RFX4: variants seen among roughly 807,000 people sequenced by gnomAD.
RFX4 encodes the protein transcription factor RFX4.
A neutral mutation model predicts 95.0 loss-of-function variants in RFX4; 10 were observed. That is an observed-to-expected ratio of 0.11 (90% CI 0.06 to 0.18). The LOEUF is 0.18. Ranked by LOEUF, RFX4 falls within the 10% of genes least tolerant of loss-of-function variation. The pLI, the probability that RFX4 is intolerant of heterozygous loss-of-function variation, is 1.00. For missense variants in RFX4, 640 were observed against 922.0 expected (o/e 0.69, Z 3.96); for synonymous variants, 321 against 340.7 (o/e 0.94, Z 0.64).
At chr12:106,619,015 A>G (rs537145384) in intron 2 of RFX4, among the ~76,000 whole-genome samples, 2 of 152,322 alleles carry the variant, frequency 1.3e-5, no homozygotes, top group African/African-American at 2.4e-5. Context: ...GCTCAGTGAA[A>G]GAGCACCATC....
chr12:106,620,137 G>T (rs984131133), intron 2 of RFX4, among the ~76,000 whole-genome samples: 8 of 151,926 alleles, frequency 5.3e-5, no homozygotes, highest in Admixed American at 1.3e-4. Context: ...AGGTATTTTT[G>T]GTCCTTTTGA....
In RFX4 at chr12:106,711,438, C is replaced by CT; in HGVS notation, c.935-11dup. 6.2e-7 allele frequency: 1 copy of CT among 1,610,890 alleles called. No individual in the cohort carries two copies. The highest frequency in any genetic ancestry group is 8.5e-7 in the Non-Finnish European group (1 of 1,177,114). On this transcript the variant is annotated splice_polypyrimidine_tract_variant and intron_variant, in intron 9 of 17. Transcript: ENST00000392842. Reference sequence around the variant, plus strand: ...AGCATGCAAATATTTCAAACTAATTCTTTTCTCCTTGCAGTGTCGAGAAGG... The same window carrying CT: ...AGCATGCAAATATTTCAAACTAATTCTTTTTCTCCTTGCAGTGTCGAGAAGG...
intron 13 of RFX4, among the ~76,000 whole-genome samples, chr12:106,729,002 C>T (rs977646677): frequency 4.6e-5 from 7 of 152,176 alleles, no homozygotes; most frequent in African/African-American, 1.4e-4. Context: ...ATGTCAAATC[C>T]GCACTTTCCC....
At chr12:106,628,748 T>C (rs973717403) in intron 2 of RFX4, among the ~76,000 whole-genome samples, 3 of 150,792 alleles carry the variant, frequency 2.0e-5, no homozygotes, top group African/African-American at 7.3e-5. Context: ...AATGAAAAAT[T>C]CAAATATATG....
intron 2 of RFX4, among the ~76,000 whole-genome samples, chr12:106,615,850 T>G (rs1163453079): frequency 1.3e-5 from 2 of 152,252 alleles, no homozygotes; most frequent in African/African-American, 4.8e-5. Context: ...AATGTGCTTA[T>G]TAATTTAAAA....
chr12:106,734,042 G>T lies in RFX4; in HGVS notation c.1633+957G>T, dbSNP rs891944488. Among the ~76,000 whole-genome samples, 6 of 152,306 alleles carry T rather than the reference G, an allele frequency of 3.9e-5. No homozygotes were observed. The South Asian group carries it at 1.2e-3, about 32-fold the overall frequency. On this transcript the variant is annotated intron_variant, in intron 15 of 17. Coordinates refer to ENST00000392842, the MANE Select transcript of RFX4 (RefSeq NM_213594.3). ...TGCTACAACTCTGATGAACCTTGAA[G>T]ATAGTATGCTTAATGAAAGAAGCCA... is the stretch of plus-strand genomic sequence containing the variant.
At chr12:106,651,392 T>C (rs1435836695) in intron 3 of RFX4, among the ~76,000 whole-genome samples, 1 of 152,066 alleles carries the variant, frequency 6.6e-6, no homozygotes, top group Non-Finnish European at 1.5e-5. Context: ...TATTGTGAGG[T>C]CAAATGAGAC....
At chr12:106,671,379 C>T (rs2041277178) in intron 4 of RFX4, among the ~76,000 whole-genome samples, 1 of 152,052 alleles carries the variant, frequency 6.6e-6, no homozygotes, top group Admixed American at 6.5e-5. Flanking sequence ...ACTGAATGGC[C>T]TTCCTGGGTG....
chr12:106,594,941 C>T (rs900904434), intron 1 of RFX4, among the ~76,000 whole-genome samples: 1 of 152,030 alleles, frequency 6.6e-6, no homozygotes, highest in Non-Finnish European at 1.5e-5. Context: ...AGGAAGAGAC[C>T]CCATCAGAAT....
At chr12:106,663,035 A>C (rs562535195) in intron 4 of RFX4, among the ~76,000 whole-genome samples, 1 of 152,228 alleles carries the variant, frequency 6.6e-6, no homozygotes, top group East Asian at 1.9e-4. Flanking sequence ...CAGGCTGACT[A>C]TTCTGGGTCT....
intron 4 of RFX4, among the ~76,000 whole-genome samples, chr12:106,657,071 T>C (rs2137327063): frequency 6.6e-6 from 1 of 152,316 alleles, no homozygotes; most frequent in South Asian, 2.1e-4. Context: ...ACACTGAGCT[T>C]GCTGGATTGA....
intron 2 of RFX4, among the ~76,000 whole-genome samples, chr12:106,614,477 C>CTCTG (rs1555225387): frequency 3.1e-5 from 4 of 127,766 alleles, no homozygotes; most frequent in South Asian, 2.9e-4. Context: ...CGTCTTTTGC[C>CTCTG]TGTGTGTGTG....
intron 1 of RFX4, among the ~76,000 whole-genome samples, chr12:106,602,598 G>A (rs974188016): frequency 6.6e-6 from 1 of 152,214 alleles, no homozygotes; most frequent in East Asian, 1.9e-4. Flanking sequence ...TCAGCCACCT[G>A]AGCCTTCTTG....
Position 106,761,214 on chromosome 12 carries a change from C to T in RFX4, c.1953C>T (p.Pro651=), listed in dbSNP as rs1277897899. 1 of 1,612,472 alleles carries T rather than the reference C, an allele frequency of 6.2e-7. No homozygotes were observed. The highest frequency in any genetic ancestry group is 1.1e-5 in the South Asian group (1 of 91,006). ...RSSAQYPFNS[P]TSRMEPCLMS... ...TCAACAAGTACCCTTTTAATAGCCCCACTTCCCGGATGGAACCTTGTTTGA... is the reference window on the plus strand; with the variant it reads ...TCAACAAGTACCCTTTTAATAGCCCTACTTCCCGGATGGAACCTTGTTTGA... The change falls in exon 18 of 18, where the codon CCC becomes CCT. Residue 651 remains proline, a synonymous_variant. Transcript: ENST00000392842.
At chr12:106,739,908 C>T (rs1471300838) in intron 15 of RFX4, among the ~76,000 whole-genome samples, 1 of 152,180 alleles carries the variant, frequency 6.6e-6, no homozygotes, top group Non-Finnish European at 1.5e-5. Flanking sequence ...GCAGGCAGTG[C>T]CAAACTGATC....
rs752755089 is a variant in RFX4, at chr12:106,747,439, G to A, written c.1636G>A (p.Ala546Thr). The A allele has an allele frequency of 6.1e-5, 99 of 1,613,738 alleles. No homozygotes were observed. The highest frequency in any genetic ancestry group is 8.2e-5 in the Non-Finnish European group (97 of 1,179,802). ...PEYTGLSTTG[A>T]MQSYTWSLTY... ...GACGTCTTAATTTGTCTCTGCAGGA[G>A]CAATGCAGTCTTACACGTGGTCTCT... Residue 546 changes from alanine (A) to threonine (T), a missense_variant and splice_region_variant, in exon 16 of 18, where the codon GCA becomes ACA. This residue lies in a region of RFX4 where 300 missense variants were observed against 346.8 expected (regional missense o/e 0.87). Transcript: ENST00000392842.
Position 106,677,820 on chromosome 12 carries a change from C to T in RFX4, c.316-4173C>T, listed in dbSNP as rs114422071. On this transcript the variant is annotated intron_variant, in intron 4 of 17. Coordinates refer to ENST00000392842, the MANE Select transcript of RFX4 (RefSeq NM_213594.3). ...AGTGAGAGATCACAGTGGACTAGTG[C>T]AGTAGTGGGGGTAAGGGCAGAAAGA... is the stretch of plus-strand genomic sequence containing the variant. Among the ~76,000 whole-genome samples the T allele has an allele frequency of 2.4e-3, 369 of 152,100 alleles. 1 individual carries two copies. The highest frequency in any genetic ancestry group is 8.5e-3 in the African/African-American group (353 of 41,514).
chr12:106,653,369 C>T (rs1404073544), intron 3 of RFX4, among the ~76,000 whole-genome samples: 1 of 152,230 alleles, frequency 6.6e-6, no homozygotes, highest in Admixed American at 6.5e-5. Context: ...CTTCTCAGTG[C>T]TTCCCATGCA....
intron 17 of RFX4, among the ~76,000 whole-genome samples, chr12:106,760,537 C>A (rs2136109166): frequency 6.6e-6 from 1 of 152,242 alleles, no homozygotes; most frequent in Non-Finnish European, 1.5e-5. Context: ...CACACCAAGC[C>A]CAATTCCTAT....
Sources: allele counts gnomAD v4.1 joint callset (sites outside exome capture counted in the v4.1 genomes callset), GRCh38; gene constraint gnomAD v4.1.1; regional missense constraint gnomAD v4.1.1; transcripts MANE v1.5; gene names NCBI Gene and HGNC (gene_info 2026-07-23, HGNC 2026-07-21).